The following LHFPL3 variants were observed in gnomAD, a reference collection of about 807,000 sequenced individuals.
LHFPL3 encodes the protein LHFPL tetraspan subfamily member 3 protein.
A neutral mutation model predicts 19.3 loss-of-function variants in LHFPL3; 5 were observed. That is an observed-to-expected ratio of 0.26 (90% confidence interval 0.14 to 0.54). The LOEUF is 0.54. Ranked by LOEUF, LHFPL3 falls within the 20% of genes least tolerant of loss-of-function variation. The pLI is 0.94. For missense variants in LHFPL3, 249 were observed against 307.4 expected (o/e 0.81, Z 1.42); for synonymous variants, 133 against 126.2 (o/e 1.05, Z -0.36).
intron 1 of LHFPL3, among the ~76,000 whole-genome samples, chr7:104,428,295 A>G (rs1562894325): frequency 6.6e-6 from 1 of 152,134 alleles, no homozygotes; most frequent in Non-Finnish European, 1.5e-5. Context: ...GCCCTAAAAT[A>G]CTTATTAATT....
intron 1 of LHFPL3, among the ~76,000 whole-genome samples, chr7:104,487,752 C>T (rs1793265522): frequency 6.6e-6 from 1 of 152,220 alleles, no homozygotes; most frequent in Non-Finnish European, 1.5e-5. Context: ...TTTTCTCCAT[C>T]ACTTTCTGAA....
chr7:104,466,490 A>C (rs2115595384), intron 1 of LHFPL3, among the ~76,000 whole-genome samples: 1 of 152,352 alleles, frequency 6.6e-6, no homozygotes, highest in East Asian at 1.9e-4. Context: ...CTACTACTAA[A>C]AATATCTAGT....
intron 1 of LHFPL3, among the ~76,000 whole-genome samples, chr7:104,710,105 G>C (rs971954841): frequency 6.6e-6 from 1 of 152,224 alleles, no homozygotes; most frequent in African/African-American, 2.4e-5. Context: ...CAGATCACTC[G>C]AGGTCAGGAG....
intron 1 of LHFPL3, among the ~76,000 whole-genome samples, chr7:104,436,263 A>G (rs1305405139): frequency 1.3e-5 from 2 of 152,154 alleles, no homozygotes; most frequent in Admixed American, 1.3e-4. Context: ...TTTGCATTAT[A>G]TTTTTATTGG....
At chr7:104,575,559 T>TAAAAAAAAAAAAAAA (rs58118006) in intron 1 of LHFPL3, among the ~76,000 whole-genome samples, 29 of 36,166 alleles carry the variant, frequency 8.0e-4, no homozygotes, top group African/African-American at 1.6e-3. Context: ...CAAAGAGATC[T>TAAAAAAAAAAAAAAA]AAAAAAAAAA....
intron 2 of LHFPL3, among the ~76,000 whole-genome samples, chr7:104,779,355 A>T (rs1794682582): frequency 6.6e-6 from 1 of 152,202 alleles, no homozygotes; most frequent in Non-Finnish European, 1.5e-5. Flanking sequence ...TCCTGAGGGC[A>T]GGGAAATGAC....
At chr7:104,792,799 T>G (rs1004561285) in intron 2 of LHFPL3, among the ~76,000 whole-genome samples, 1 of 152,240 alleles carries the variant, frequency 6.6e-6, no homozygotes, top group Admixed American at 6.5e-5. Context: ...TTGGGAAGTA[T>G]CTGACTGTGC....
At chr7:104,504,870 A>T (rs563954457) in intron 1 of LHFPL3, among the ~76,000 whole-genome samples, 1 of 152,192 alleles carries the variant, frequency 6.6e-6, no homozygotes, top group Admixed American at 6.5e-5. Context: ...TTTGTTCTTC[A>T]TAGACTTGTG....
chr7:104,867,388 A>C (rs1350689680), intron 2 of LHFPL3, among the ~76,000 whole-genome samples: 1 of 152,222 alleles, frequency 6.6e-6, no homozygotes, highest in Non-Finnish European at 1.5e-5. Context: ...AAAAATGATA[A>C]AGGGGATATC....
chr7:104,906,201 T>C lies in LHFPL3; in HGVS notation c.697T>C (p.Tyr233His). 6.2e-7 allele frequency: 1 copy of C among 1,610,556 alleles called. No individual in the cohort carries two copies. Among genetic ancestry groups the C allele is most frequent in the Non-Finnish European group, 8.5e-7 (1 of 1,178,288 alleles). The change falls in exon 3 of 3, where the codon TAT becomes CAT. Residue 233 changes from tyrosine (Y) to histidine (H), a missense_variant. Coordinates refer to ENST00000424859, the MANE Select transcript of LHFPL3 (RefSeq NM_199000.3). ...AATTTCTGCAGTTCTGCTAAGCCAA[T>C]ATTCTCTAGAATGAGCACAAAACAA... ...KAENKVLLSQ[Y>H]SLE
At chr7:104,832,198 C>A (rs1415952250) in intron 2 of LHFPL3, among the ~76,000 whole-genome samples, 6 of 151,934 alleles carry the variant, frequency 3.9e-5, no homozygotes, top group African/African-American at 1.5e-4. Context: ...TTAGATGCAC[C>A]GGATAATTGT....
intron 1 of LHFPL3, among the ~76,000 whole-genome samples, chr7:104,563,847 G>C (rs1790067366): frequency 6.6e-6 from 1 of 152,180 alleles, no homozygotes; most frequent in Admixed American, 6.5e-5. Flanking sequence ...GTGATATTCT[G>C]TTATAGTAGC....
intron 1 of LHFPL3, among the ~76,000 whole-genome samples, chr7:104,703,355 A>G (rs982362319): frequency 6.6e-6 from 1 of 152,186 alleles, no homozygotes; most frequent in African/African-American, 2.4e-5. Context: ...CAAATTTCAA[A>G]AAAAGTTTAT....
rs555822904 is a variant in LHFPL3 at position 104,869,801 on chromosome 7, T to C, written c.683-36386T>C. Among the ~76,000 whole-genome samples, 270 of 152,086 alleles carry C rather than the reference T, an allele frequency of 1.8e-3. 1 individual carries two copies. The highest frequency in any genetic ancestry group is 0.011 in the South Asian group (53 of 4,804). ...AAAGACACATGCACACGTATGTTTA[T>C]TGCGGCACTATTCACAATAGCAAAG... On this transcript the variant is annotated intron_variant, in intron 2 of 2. Transcript: ENST00000424859.
intron 1 of LHFPL3, among the ~76,000 whole-genome samples, chr7:104,575,285 T>C (rs958649002): frequency 6.6e-6 from 1 of 152,158 alleles, no homozygotes; most frequent in African/African-American, 2.4e-5. Flanking sequence ...TGTACCATTT[T>C]CTCATCTCCC....
At chr7:104,617,524 CATA>C (rs1371102866) in intron 1 of LHFPL3, among the ~76,000 whole-genome samples, 3 of 152,182 alleles carry the variant, frequency 2.0e-5, no homozygotes, top group Non-Finnish European at 4.4e-5. Flanking sequence ...CTTATATTTA[CATA>C]ATGAGAAAAC....
At chr7:104,361,545 C>A (rs1040613785) in intron 1 of LHFPL3, among the ~76,000 whole-genome samples, 8 of 152,088 alleles carry the variant, frequency 5.3e-5, no homozygotes, top group Non-Finnish European at 7.4e-5. Context: ...GCCTTTGGCC[C>A]CGCACTACTT....
intron 1 of LHFPL3, among the ~76,000 whole-genome samples, chr7:104,680,799 G>A (rs1038944315): frequency 6.6e-6 from 1 of 152,122 alleles, no homozygotes; most frequent in Non-Finnish European, 1.5e-5. Flanking sequence ...GGGGGTAAAA[G>A]AAGAAGAAAA....
intron 2 of LHFPL3, among the ~76,000 whole-genome samples, chr7:104,812,892 T>C (rs916501363): frequency 2.9e-5 from 4 of 136,786 alleles, no homozygotes; most frequent in African/African-American, 1.1e-4. Flanking sequence ...GGTGGGCAGG[T>C]CACAAGGTAA....
Sources: gnomAD v4.1 joint callset for allele counts (sites outside exome capture counted in the v4.1 genomes callset) on GRCh38, gnomAD v4.1.1 for gene constraint, MANE v1.5 for transcripts, NCBI Gene and HGNC (gene_info 2026-07-23, HGNC 2026-07-21) for gene names.